Variants in GNPNAT1 observed in about 807,000 individuals in gnomAD.
The protein encoded by GNPNAT1 is glucosamine 6-phosphate N-acetyltransferase.
In GNPNAT1, 11 loss-of-function variants were observed where a neutral mutation model predicts 19.8. The ratio of observed to expected loss-of-function variants is 0.56; its 90% CI spans 0.35 to 0.92. The LOEUF is 0.92. Among genes scored for constraint, GNPNAT1 ranks in the 40% least tolerant of loss-of-function variants. The probability of loss-of-function intolerance (pLI) is 0.01; values close to 1 mark genes in which losing one functional copy is unlikely to be tolerated. For missense variants in GNPNAT1, 157 were observed against 211.0 expected, an observed-to-expected ratio of 0.74 and a Z score of 1.59; for synonymous variants, 71 against 72.3, an observed-to-expected ratio of 0.98 and a Z score of 0.09.
At chr14:52,785,663 T>G (rs1269089764) in intron 1 of GNPNAT1, among the ~76,000 whole-genome samples, 1 of 150,980 alleles carries the variant, frequency 6.6e-6, no homozygotes, top group Non-Finnish European at 1.5e-5. Context: ...AGGCAGAGGT[T>G]GTGGTGAGTT....
At chr14:52,788,271 C>G (rs114803073) in intron 1 of GNPNAT1, among the ~76,000 whole-genome samples, 3,547 of 151,670 alleles carry the variant, frequency 0.023, 145 homozygotes, top group African/African-American at 0.082. Context: ...GTAGTTGTGA[C>G]TACAGGCTCA....
rs757147438 is a variant in GNPNAT1, at chr14:52,777,308, C to T, written c.*1003G>A. On this transcript the variant is annotated 3_prime_UTR_variant, in exon 6 of 6. Coordinates refer to ENST00000216410, the MANE Select transcript of GNPNAT1 (RefSeq NM_198066.4). ...AACATGGAATGCAAAAGATTAGAAC[C>T]ATTAAAATATTTAATTCTTCAACTT... is the stretch of plus-strand genomic sequence containing the variant. 1 of 152,500 alleles carries T rather than the reference C, an allele frequency of 6.6e-6. No homozygotes were observed. 9.4% of individuals were successfully genotyped at this position (152,500 alleles called of 1,614,324 possible). A position where few individuals can be genotyped will look rare whatever the true frequency, so the allele number is the denominator to read the frequency against.
chr14:52,782,118 A>C (rs1882907015), intron 3 of GNPNAT1, among the ~76,000 whole-genome samples: 2 of 152,124 alleles, frequency 1.3e-5, no homozygotes, highest in Non-Finnish European at 2.9e-5. Flanking sequence ...CACATTCAAA[A>C]TATCTGCTAG....
At chr14:52,786,499 C>T (rs756183771) in intron 1 of GNPNAT1, among the ~76,000 whole-genome samples, 3 of 151,772 alleles carry the variant, frequency 2.0e-5, no homozygotes, top group African/African-American at 7.3e-5. Flanking sequence ...AGTGAAACTC[C>T]GTCTCAAAAA....
At chr14:52,782,585 A>G (rs1882918585) in intron 3 of GNPNAT1, among the ~76,000 whole-genome samples, 1 of 152,122 alleles carries the variant, frequency 6.6e-6, no homozygotes, top group African/African-American at 2.4e-5. Flanking sequence ...ATTCATGTGC[A>G]TGCAAAGAAA....
chr14:52,777,904 A>C lies in GNPNAT1; in HGVS notation c.*407T>G, dbSNP rs1211348228. ...TGTATTGAGATGTTTCTTTGAAACA[A>C]AAATATTTAATTTTATGCATGTGAT... On this transcript the variant is annotated 3_prime_UTR_variant, in exon 6 of 6. Transcript: ENST00000216410. The C allele has an allele frequency of 6.5e-6, 1 of 153,260 alleles. No individual in the cohort carries two copies. The highest frequency in any genetic ancestry group is 2.4e-5 in the African/African-American group (1 of 41,470). The allele number at this position is 153,260 out of a possible 1,614,324, so 9.5% of individuals were successfully genotyped here. A position where few individuals can be genotyped will look rare whatever the true frequency, so the allele number is the denominator to read the frequency against.
At chr14:52,779,724 TAAAAAAAAAA>T (rs35906707) in intron 5 of GNPNAT1, among the ~76,000 whole-genome samples, 9 of 38,212 alleles carry the variant, frequency 2.4e-4, no homozygotes, top group African/African-American at 8.2e-4. Context: ...TCCCATCTCT[TAAAAAAAAAA>T]AAAAAAAAAA....
At chr14:52,785,179 C>T (rs955957505) in intron 1 of GNPNAT1, among the ~76,000 whole-genome samples, 12 of 151,776 alleles carry the variant, frequency 7.9e-5, no homozygotes, top group African/African-American at 2.9e-4. Flanking sequence ...CTGCCCGCCT[C>T]GGCCTCCCAA....
At position 52,782,754 on chromosome 14, in the gene GNPNAT1, A is replaced by T. The variant is rs77575814; in HGVS notation, c.217+669T>A. Among the ~76,000 whole-genome samples, 781 of 152,198 alleles carry T rather than the reference A, an allele frequency of 5.1e-3. 6 individuals are homozygous for T. Among genetic ancestry groups the T allele is most frequent in the East Asian group, 0.044 (230 of 5,192 alleles). ...CCTCATTCTCAGGAGGGTCAAATAG[A>T]ATTCAATACAAAATTCCCTATTATA... On this transcript the variant is annotated intron_variant, in intron 3 of 5. Coordinates refer to ENST00000216410, the MANE Select transcript of GNPNAT1 (RefSeq NM_198066.4).
intron 1 of GNPNAT1, among the ~76,000 whole-genome samples, chr14:52,788,445 T>C (rs572048238): frequency 5.9e-5 from 9 of 152,346 alleles, no homozygotes; most frequent in African/African-American, 2.2e-4. Flanking sequence ...AAACAAGTTT[T>C]TAATAGATGA....
At chr14:52,780,899 T>C (rs1156493684) in intron 4 of GNPNAT1, among the ~76,000 whole-genome samples, 159 bp from the exon 5 acceptor site, 1 of 152,192 alleles carries the variant, frequency 6.6e-6, no homozygotes, top group Non-Finnish European at 1.5e-5. Context: ...GCTGTTTCAG[T>C]ATGTATTTCT....
At chr14:52,783,838 G>T (rs886231365) in intron 2 of GNPNAT1, among the ~76,000 whole-genome samples, 5 of 152,102 alleles carry the variant, frequency 3.3e-5, no homozygotes, top group Admixed American at 1.3e-4. Flanking sequence ...TTACTTAAAG[G>T]TGCAACATGG....
At chr14:52,785,505 C>G (rs1221724970) in intron 1 of GNPNAT1, among the ~76,000 whole-genome samples, 2 of 151,534 alleles carry the variant, frequency 1.3e-5, no homozygotes, top group East Asian at 2.1e-4. Context: ...GGCAGATCAC[C>G]TGAGGTCGGG....
chr14:52,790,619 C>G (rs1337993966), intron 1 of GNPNAT1, among the ~76,000 whole-genome samples: 1 of 152,176 alleles, frequency 6.6e-6, no homozygotes, highest in South Asian at 2.1e-4. Context: ...CTAGAATCCT[C>G]GTTTTCGCAT....
intron 5 of GNPNAT1, among the ~76,000 whole-genome samples, chr14:52,780,095 G>A (rs374014975): frequency 7.2e-5 from 11 of 152,042 alleles, no homozygotes; most frequent in East Asian, 3.9e-4. Flanking sequence ...AGCCCAGGAG[G>A]CTGAGGCTGC....
intron 3 of GNPNAT1, 67 bp from the exon 4 acceptor site, chr14:52,781,978 T>C (rs1049629265): frequency 2.1e-6 from 3 of 1,406,112 alleles, no homozygotes; most frequent in Middle Eastern, 2.2e-4. Flanking sequence ...CAGAAAAATA[T>C]TAGGATTAGC....
intron 1 of GNPNAT1, among the ~76,000 whole-genome samples, chr14:52,790,387 T>C (rs2139977748): frequency 6.6e-6 from 1 of 152,354 alleles, no homozygotes; most frequent in East Asian, 1.9e-4. Flanking sequence ...TTATAACAAT[T>C]TCGATAACAA....
intron 4 of GNPNAT1, 65 bp from the exon 5 acceptor site, chr14:52,780,805 G>A (rs1183608145): frequency 1.0e-6 from 1 of 976,794 alleles, no homozygotes; most frequent in South Asian, 1.4e-5. Context: ...AAACGAGTTG[G>A]TAAGAATTTA....
Sources: gnomAD v4.1 joint callset for allele counts (sites outside exome capture counted in the v4.1 genomes callset) on GRCh38, gnomAD v4.1.1 for gene constraint, MANE v1.5 for transcripts, NCBI Gene and HGNC (gene_info 2026-07-23, HGNC 2026-07-21) for gene names.